Variants in PPP2R3A observed in about 807,000 individuals in gnomAD.
The protein encoded by PPP2R3A is protein phosphatase 2 regulatory subunit B''alpha, also known as serine/threonine-protein phosphatase 2A regulatory subunit B'' subunit alpha.
In PPP2R3A, 80 loss-of-function variants were observed where a neutral mutation model predicts 106.9. The ratio of observed to expected loss-of-function variants is 0.75; its 90% CI spans 0.62 to 0.90. The LOEUF (loss-of-function observed/expected upper bound fraction) is 0.90. Among genes scored for constraint, PPP2R3A ranks in the 40% least tolerant of loss-of-function variants. PPP2R3A has a pLI of 0.00. For missense variants in PPP2R3A, 1,386 were observed against 1,350.4 expected (o/e 1.03, Z -0.41); for synonymous variants, 483 against 468.3 (o/e 1.03, Z -0.41).
rs112136607 is a variant in PPP2R3A, at chr3:135,977,825, G to A, written c.-441+11976G>A. The stretch of plus-strand genomic sequence containing the variant: ...AGCGATTCTCCAGCCTCGGTCTCCC[G>A]AGTAGCTGTGACTATAGGTGTGAGC... On this transcript the variant is annotated intron_variant, in intron 1 of 13. Coordinates refer to ENST00000264977, the MANE Select transcript of PPP2R3A (RefSeq NM_002718.5). Among the ~76,000 whole-genome samples the A allele has an allele frequency of 9.4e-5, 14 of 149,394 alleles. 1 individual carries two copies. Among genetic ancestry groups the A allele is most frequent in the African/African-American group, 3.2e-4 (13 of 40,682 alleles).
In PPP2R3A at chr3:136,070,516, A is replaced by G. The variant is rs146691928; in HGVS notation, c.2508A>G (p.Lys836=). ...VDTHPGLTFL[K]DAPEFHSRYI... ...CCCACCCTGGTCTCACGTTCCTGAA[A>G]GATGCTCCAGAATTCCACTCCCGCT... Residue 836 remains lysine, a synonymous_variant, in exon 6 of 14, where the codon AAA becomes AAG. Coordinates refer to ENST00000264977, the MANE Select transcript of PPP2R3A (RefSeq NM_002718.5). 136 of 1,611,330 alleles carry G rather than the reference A, an allele frequency of 8.4e-5. No individual in the cohort carries two copies. In the African/African-American group the frequency reaches 1.6e-3, roughly 19 times the overall value.
At chr3:135,992,792 T>TA (rs1933228985) in intron 1 of PPP2R3A, among the ~76,000 whole-genome samples, 1 of 152,078 alleles carries the variant, frequency 6.6e-6, no homozygotes, top group African/African-American at 2.4e-5. Flanking sequence ...ATAAAGATTT[T>TA]AAGGCCACAA....
intron 1 of PPP2R3A, among the ~76,000 whole-genome samples, chr3:135,988,406 C>G (rs908303106): frequency 3.3e-5 from 5 of 152,124 alleles, no homozygotes; most frequent in African/African-American, 1.2e-4. Flanking sequence ...TCCAAGCCAG[C>G]ATCATCTTTT....
intron 6 of PPP2R3A, among the ~76,000 whole-genome samples, chr3:136,073,454 T>C (rs185468882): frequency 2.1e-3 from 316 of 152,378 alleles, no homozygotes; most frequent in Middle Eastern, 0.017. Flanking sequence ...TATGTAACTT[T>C]ACATTTGTTA....
chr3:136,030,761 C>CATATATATATAT (rs374923726), intron 3 of PPP2R3A, among the ~76,000 whole-genome samples: 1,117 of 99,736 alleles, frequency 0.011, 15 homozygotes, highest in South Asian at 0.017. Flanking sequence ...TATTCCATCA[C>CATATATATATAT]ATATATATAT....
chr3:135,969,181 T>C (rs1456479896), intron 1 of PPP2R3A, among the ~76,000 whole-genome samples: 1 of 152,240 alleles, frequency 6.6e-6, no homozygotes, highest in Non-Finnish European at 1.5e-5. Context: ...TCTGGTCATA[T>C]TAGAATGCTT....
At position 136,145,037 on chromosome 3, in the gene PPP2R3A, T is replaced by C. The variant is rs750852543; in HGVS notation, c.3330-6T>C. On this transcript the variant is annotated splice_polypyrimidine_tract_variant and splice_region_variant and intron_variant, in intron 13 of 13. Transcript: ENST00000264977. The stretch of plus-strand genomic sequence containing the variant: ...CAGTTAATTCACTTTTGCTTTGTTA[T>C]TTCAGCTTTGAAGATTATGAAACAG... 6.2e-7 allele frequency: 1 copy of C among 1,605,164 alleles called. No individual in the cohort carries two copies. Among genetic ancestry groups the C allele is most frequent in the South Asian group, 1.1e-5 (1 of 89,150 alleles).
intron 1 of PPP2R3A, among the ~76,000 whole-genome samples, chr3:135,998,735 A>G (rs1933502280): frequency 6.6e-6 from 1 of 152,246 alleles, no homozygotes; most frequent in Non-Finnish European, 1.5e-5. Context: ...AATGTTCAGC[A>G]ATAACAAATG....
chr3:135,985,275 C>T (rs1264876399), intron 1 of PPP2R3A, among the ~76,000 whole-genome samples: 2 of 151,998 alleles, frequency 1.3e-5, no homozygotes, highest in African/African-American at 4.8e-5. Context: ...CAGCACACCT[C>T]CGTCTCTAAC....
chr3:136,089,381 C>G (rs542957852), intron 9 of PPP2R3A, among the ~76,000 whole-genome samples: 1 of 152,116 alleles, frequency 6.6e-6, no homozygotes, highest in African/African-American at 2.4e-5. Context: ...TGTCAAATAT[C>G]AGATGGTTGT....
At chr3:136,057,634 A>G (rs1174907354) in intron 5 of PPP2R3A, among the ~76,000 whole-genome samples, 1 of 152,158 alleles carries the variant, frequency 6.6e-6, no homozygotes, top group Non-Finnish European at 1.5e-5. Context: ...ACATTTTTAA[A>G]TGGTGAAGAA....
At chr3:136,087,294 T>TCTCTCTCTCG in intron 8 of PPP2R3A, among the ~76,000 whole-genome samples, 1 of 143,900 alleles carries the variant, frequency 6.9e-6, no homozygotes, top group Non-Finnish European at 1.5e-5. Context: ...TCTCTCTCTC[T>TCTCTCTCTCG]CTCTCACCAA....
chr3:136,083,615 G>A (rs532537668), intron 8 of PPP2R3A, among the ~76,000 whole-genome samples: 11 of 152,312 alleles, frequency 7.2e-5, no homozygotes, highest in South Asian at 2.1e-4. Context: ...AAAGATACCC[G>A]AAAATGTGGA....
At chr3:136,039,632 G>T (rs1466594898) in intron 3 of PPP2R3A, among the ~76,000 whole-genome samples, 1 of 152,162 alleles carries the variant, frequency 6.6e-6, no homozygotes, top group Non-Finnish European at 1.5e-5. Flanking sequence ...ACAGGAGGTG[G>T]AGCTCAGGTG....
chr3:136,088,668 A>G (rs1000486359), intron 9 of PPP2R3A, among the ~76,000 whole-genome samples: 4 of 152,138 alleles, frequency 2.6e-5, no homozygotes, highest in African/African-American at 9.7e-5. Flanking sequence ...TGAGAAATCA[A>G]CTGCTCTCCA....
chr3:136,023,003 C>T, intron 2 of PPP2R3A: 1 of 1,585,300 alleles, frequency 6.3e-7, no homozygotes, highest in Non-Finnish European at 8.5e-7. Flanking sequence ...AGATTGACAA[C>T]TTGCTAAATC....
intron 3 of PPP2R3A, among the ~76,000 whole-genome samples, chr3:136,027,769 T>G (rs549445166): frequency 6.6e-6 from 1 of 152,316 alleles, no homozygotes; most frequent in South Asian, 2.1e-4. Context: ...TTTATTTTTA[T>G]TATGCATAAA....
chr3:136,137,533 G>GTTTTTTTTTTTTTTTT (rs1559941176), intron 13 of PPP2R3A, among the ~76,000 whole-genome samples: 1 of 38,442 alleles, frequency 2.6e-5, no homozygotes, highest in Non-Finnish European at 6.0e-5. Flanking sequence ...CTCTGTCAGA[G>GTTTTTTTTTTTTTTTT]ATTTTTTTTT....
intron 2 of PPP2R3A, among the ~76,000 whole-genome samples, chr3:136,014,490 AT>A (rs1017273406): frequency 6.6e-6 from 1 of 151,910 alleles, no homozygotes; most frequent in Admixed American, 6.6e-5. Context: ...GTCATCTATG[AT>A]TTTTTTGGCA....
Sources: gnomAD v4.1 joint callset for allele counts (sites outside exome capture counted in the v4.1 genomes callset) on GRCh38, gnomAD v4.1.1 for gene constraint, MANE v1.5 for transcripts, NCBI Gene and HGNC (gene_info 2026-07-23, HGNC 2026-07-21) for gene names.